The following CACNA2D4 variants were observed in gnomAD, a reference collection of about 807,000 sequenced individuals.
CACNA2D4 encodes calcium voltage-gated channel auxiliary subunit alpha2delta 4.
In CACNA2D4, 157 loss-of-function variants were observed where a neutral mutation model predicts 163.8. The observed-to-expected ratio is 0.96, with a 90% CI of 0.84 to 1.09. The LOEUF (loss-of-function observed/expected upper bound fraction) is 1.09, where lower values mean the gene tolerates loss of function less well. CACNA2D4 is among the 50% of genes least tolerant of loss of function. The probability of loss-of-function intolerance (pLI) is 0.00; values close to 1 mark genes in which losing one functional copy is unlikely to be tolerated. For missense variants in CACNA2D4, 1,410 were observed against 1,479.9 expected, an observed-to-expected ratio of 0.95 and a Z score of 0.78; for synonymous variants, 598 against 586.9, an observed-to-expected ratio of 1.02 and a Z score of -0.27.
intron 26 of CACNA2D4, among the ~76,000 whole-genome samples, chr12:1,816,792 AC>A (rs1192012685): frequency 6.6e-6 from 1 of 152,144 alleles, no homozygotes; most frequent in Non-Finnish European, 1.5e-5. Context: ...ATATGCACAC[AC>A]GGACACACAT....
chr12:1,841,453 ACTT>A (rs1160881642), intron 25 of CACNA2D4, among the ~76,000 whole-genome samples: 2 of 152,144 alleles, frequency 1.3e-5, no homozygotes, highest in African/African-American at 2.4e-5. Flanking sequence ...TGCTCTCTCC[ACTT>A]CTTCTGGAAC....
At position 1,858,651 on chromosome 12, in the gene CACNA2D4, G is replaced by A. The variant is rs777082818; in HGVS notation, c.1941-7C>T. 11 of 1,589,128 alleles carry A rather than the reference G, an allele frequency of 6.9e-6. No homozygotes were observed. The highest frequency in any genetic ancestry group is 9.4e-6 in the Non-Finnish European group (11 of 1,166,162). ...GGACAGCACCACCCCCAAACTGTGG[G>A]GAGAGAAGAGAAGGCACTCATTCAG... On this transcript the variant is annotated splice_region_variant and splice_polypyrimidine_tract_variant and intron_variant, in intron 19 of 37. Transcript: ENST00000382722.
chr12:1,912,870 C>T (rs537779125), intron 3 of CACNA2D4, among the ~76,000 whole-genome samples, 153 bp downstream of exon 3: 4 of 152,182 alleles, frequency 2.6e-5, no homozygotes, highest in African/African-American at 9.6e-5. Context: ...AGTGAGGGTT[C>T]TTTTGGCTAA....
intron 22 of CACNA2D4, among the ~76,000 whole-genome samples, chr12:1,855,260 G>A (rs1269835843): frequency 6.6e-6 from 1 of 152,194 alleles, no homozygotes; most frequent in Non-Finnish European, 1.5e-5. Context: ...CAGGGTGCAA[G>A]CTCAGTACAG....
intron 6 of CACNA2D4, among the ~76,000 whole-genome samples, chr12:1,905,656 A>G (rs1020495680): frequency 2.0e-4 from 31 of 152,198 alleles, no homozygotes; most frequent in African/African-American, 7.2e-4. Flanking sequence ...GAGGTGAAAG[A>G]CCTGTACAGT....
intron 26 of CACNA2D4, among the ~76,000 whole-genome samples, chr12:1,824,149 T>G (rs968489444): frequency 3.9e-5 from 6 of 152,194 alleles, no homozygotes; most frequent in Non-Finnish European, 7.3e-5. Flanking sequence ...AGCTTCTCAG[T>G]GGGTCCTGGA....
Position 1,797,459 on chromosome 12 carries a change from G to A in CACNA2D4, c.3072C>T (p.Ile1024=). 1.3e-6 allele frequency: 2 copies of A among 1,581,930 alleles called. No individual in the cohort carries two copies. Among genetic ancestry groups the A allele is most frequent in the Non-Finnish European group, 1.7e-6 (2 of 1,167,516 alleles). Residue 1024 remains isoleucine, a synonymous_variant, in exon 35 of 38, where the codon ATC becomes ATT. Coordinates refer to ENST00000382722, the MANE Select transcript of CACNA2D4 (RefSeq NM_172364.5). ...EYPVFVYQPA[I]REANGIVECG... ...ACTCCACGATCCCGTTGGCCTCCCG[G>A]ATGGCCGGCTGGTACACGAACACGG...
intron 6 of CACNA2D4, among the ~76,000 whole-genome samples, chr12:1,904,231 G>C (rs532164851): frequency 6.6e-6 from 1 of 151,928 alleles, no homozygotes; most frequent in South Asian, 2.1e-4. Context: ...GAAGGGTAGC[G>C]ATGGGGTTGG....
At chr12:1,793,795 C>CA (rs1455462828) in intron 37 of CACNA2D4, 36 bp from the exon 38 acceptor site, 1 of 1,554,928 alleles carries the variant, frequency 6.4e-7, no homozygotes, top group Non-Finnish European at 8.8e-7. Context: ...GCGCGGCGCT[C>CA]AGAGGAGGAC....
At chr12:1,905,539 T>C (rs986404621) in intron 6 of CACNA2D4, among the ~76,000 whole-genome samples, 15 of 152,126 alleles carry the variant, frequency 9.9e-5, no homozygotes, top group African/African-American at 3.6e-4. Context: ...CAAAAATCAG[T>C]TGCATTTCTA....
rs58684978 is a variant in CACNA2D4, at chr12:1,829,205, T to C, written c.2551+11534A>G. Among the ~76,000 whole-genome samples, 4 of 152,338 alleles carry C rather than the reference T, an allele frequency of 2.6e-5. No homozygotes were observed. Among genetic ancestry groups the C allele is most frequent in the East Asian group, 1.9e-4 (1 of 5,170 alleles). The stretch of plus-strand genomic sequence containing the variant: ...GAGTCGCTCTTCCGCAGCGGCTCTC[T>C]TAGCCTGCTGTCAGGCCCTTCTCTG... On this transcript the variant is annotated intron_variant, in intron 26 of 37. Coordinates refer to ENST00000382722, the MANE Select transcript of CACNA2D4 (RefSeq NM_172364.5). The surrounding 1 kb of genome is among the most constrained non-coding windows in gnomAD (Gnocchi z 4.2).
intron 24 of CACNA2D4, among the ~76,000 whole-genome samples, chr12:1,845,638 G>C (rs150784809): frequency 1.4e-4 from 22 of 152,246 alleles, no homozygotes; most frequent in African/African-American, 5.3e-4. Context: ...TCACCTGTTG[G>C]AGTCTCCTGG....
In CACNA2D4 at chr12:1,801,184, G is replaced by A. The variant is rs1285353191; in HGVS notation, c.2793-66C>T. The A allele has an allele frequency of 1.0e-5, 14 of 1,351,408 alleles. No homozygotes were observed. The Admixed American group carries it at 1.2e-4, about 12-fold the overall frequency. The allele number at this position is 1,351,408 out of a possible 1,614,324, so 83.7% of individuals were successfully genotyped here. ...CCCACCCCCTGCCCCTGCCTCAGGA[G>A]GCTTTACTAGCAGAGCATCCGTTTA... On this transcript the variant is annotated intron_variant, in intron 30 of 37. Transcript: ENST00000382722.
chr12:1,865,621 C>G (rs1221121729), intron 18 of CACNA2D4, among the ~76,000 whole-genome samples: 1 of 152,250 alleles, frequency 6.6e-6, no homozygotes, highest in African/African-American at 2.4e-5. Context: ...CCCTTTTTCA[C>G]CGCATCCGCT....
rs1863027393 is a variant in CACNA2D4 at position 1,793,289 on chromosome 12, A to C, written c.*366T>G. The C allele has an allele frequency of 4.0e-6, 1 of 250,132 alleles. No homozygotes were observed. Among genetic ancestry groups the C allele is most frequent in the Admixed American group, 4.9e-5 (1 of 20,514 alleles). 15.5% of individuals were successfully genotyped at this position (250,132 alleles called of 1,614,324 possible). ...CGACAGAAAGGGTCAGAAACAACTG[A>C]CCCTTTCTTGGCTGGGTCTGGACTC... On this transcript the variant is annotated 3_prime_UTR_variant, in exon 38 of 38. Coordinates refer to ENST00000382722, the MANE Select transcript of CACNA2D4 (RefSeq NM_172364.5).
chr12:1,827,917 C>G lies in CACNA2D4; in HGVS notation c.2551+12822G>C, dbSNP rs542770624. On this transcript the variant is annotated intron_variant, in intron 26 of 37. Transcript: ENST00000382722. Reference sequence around the variant, plus strand: ...CGCCCCCATCCCAGGGGCTTGAAGGCTTCCTGGCTCCTCTTCTTCCCCCAC... The same window carrying G: ...CGCCCCCATCCCAGGGGCTTGAAGGGTTCCTGGCTCCTCTTCTTCCCCCAC... The G allele has an allele frequency of 3.4e-5, 14 of 411,118 alleles. No homozygotes were observed. The South Asian group carries it at 8.9e-4, about 26-fold the overall frequency. 25.5% of individuals were successfully genotyped at this position (411,118 alleles called of 1,614,324 possible).
In CACNA2D4 at chr12:1,869,271, G is replaced by T. The variant is rs781648550; in HGVS notation, c.1878+5333C>A. 1.5e-4 allele frequency among the ~76,000 whole-genome samples: 23 copies of T among 152,232 alleles called. No individual in the cohort carries two copies. Among genetic ancestry groups the T allele is most frequent in the Non-Finnish European group, 3.1e-4 (21 of 68,042 alleles). On this transcript the variant is annotated intron_variant, in intron 18 of 37. Transcript: ENST00000382722. This position sits in a 1 kb window ranked among gnomAD's most constrained non-coding sequence, Gnocchi z 4.7. ...TGTGAGATTTGCAGACAGAAGTGCA[G>T]CAGTAGCCGTTTTGCACACTGAAGT...
chr12:1,909,018 T>C (rs759409261), intron 4 of CACNA2D4, among the ~76,000 whole-genome samples: 56 of 152,186 alleles, frequency 3.7e-4, no homozygotes, highest in Non-Finnish European at 7.2e-4. Flanking sequence ...TCAAGCCTTC[T>C]GCACCTGCCT....
chr12:1,800,148 C>T (rs1335442961), intron 32 of CACNA2D4, 96 bp from the exon 33 acceptor site: 6 of 1,262,002 alleles, frequency 4.8e-6, no homozygotes, highest in Non-Finnish European at 5.6e-6. Flanking sequence ...CGGCCCATCC[C>T]CTCTCCTCCA....
Sources: allele counts gnomAD v4.1 joint callset (sites outside exome capture counted in the v4.1 genomes callset), GRCh38; gene constraint gnomAD v4.1.1; non-coding constraint Gnocchi (gnomAD v3.1); transcripts MANE v1.5; gene names NCBI Gene and HGNC (gene_info 2026-07-23, HGNC 2026-07-21).